Variants in SYNJ2 observed in about 807,000 individuals in gnomAD.
The protein encoded by SYNJ2 is synaptojanin 2.
SYNJ2 carries 116 observed loss-of-function variants against 141.3 expected under a neutral mutation model. The observed-to-expected ratio is 0.82, with a 90% CI of 0.71 to 0.96. The LOEUF is 0.96. SYNJ2 is among the 40% of genes least tolerant of loss of function. SYNJ2 has a pLI of 0.00. For missense variants in SYNJ2, 1,873 were observed against 1,934.8 expected, an observed-to-expected ratio of 0.97 and a Z score of 0.60; for synonymous variants, 745 against 777.7, an observed-to-expected ratio of 0.96 and a Z score of 0.70.
At chr6:158,083,715 GC>G in intron 21 of SYNJ2, 118 bp downstream of exon 21, 2 of 1,344,482 alleles carry the variant, frequency 1.5e-6, no homozygotes, top group Non-Finnish European at 2.1e-6. Context: ...CGCAGGGCAA[GC>G]CCTCTGTCCC....
intron 4 of SYNJ2, among the ~76,000 whole-genome samples, chr6:158,036,375 T>G (rs770331136): frequency 4.3e-4 from 66 of 152,196 alleles, no homozygotes; most frequent in Non-Finnish European, 8.2e-4. Flanking sequence ...TGAATGTCCA[T>G]CAGTGGTAGA....
At chr6:158,042,658 G>C (rs543687228) in intron 4 of SYNJ2, among the ~76,000 whole-genome samples, 85 of 152,370 alleles carry the variant, frequency 5.6e-4, no homozygotes, top group African/African-American at 2.0e-3. Context: ...GTGGGGAGGA[G>C]ATAGATGTCT....
Position 158,071,869 on chromosome 6 carries a change from G to A in SYNJ2, c.2133+75G>A. On this transcript the variant is annotated intron_variant, in intron 15 of 26. Transcript: ENST00000355585. The surrounding 1 kb of genome is among the most constrained non-coding windows in gnomAD (Gnocchi z 4.3). ...CAAATGTGACTGTTGATAGGAGCCAGGCACTGGGGACACAACCACAGGGAG... is the reference window on the plus strand; with the variant it reads ...CAAATGTGACTGTTGATAGGAGCCAAGCACTGGGGACACAACCACAGGGAG... 1 of 1,519,236 alleles carries A rather than the reference G, an allele frequency of 6.6e-7. No individual in the cohort carries two copies. The highest frequency in any genetic ancestry group is 8.9e-7 in the Non-Finnish European group (1 of 1,127,106). The allele number at this position is 1,519,236 out of a possible 1,614,324, so 94.1% of individuals were successfully genotyped here.
chr6:158,063,899 C>A, intron 9 of SYNJ2, 27 bp downstream of exon 9: 1 of 1,611,180 alleles, frequency 6.2e-7, no homozygotes, highest in South Asian at 1.1e-5. Flanking sequence ...GCCTTTTCGG[C>A]CATCTGTGCC....
intron 26 of SYNJ2, chr6:158,094,075 C>A: frequency 1.3e-6 from 1 of 742,420 alleles, no homozygotes; most frequent in Non-Finnish European, 2.5e-6. Context: ...GATGCTGCTT[C>A]CCCCCTAGAG....
At chr6:158,004,357 T>C (rs779081662) in intron 1 of SYNJ2, among the ~76,000 whole-genome samples, 14 of 152,106 alleles carry the variant, frequency 9.2e-5, no homozygotes, top group Non-Finnish European at 1.6e-4. Context: ...AAAACCAAGA[T>C]GGCAATGAAA....
At chr6:158,074,501 C>A in intron 15 of SYNJ2, 79 bp from the exon 16 acceptor site, 1 of 1,467,830 alleles carries the variant, frequency 6.8e-7, no homozygotes, top group African/African-American at 1.4e-5. Context: ...CCTGCTTGCC[C>A]CAGTGAGCTT....
chr6:158,061,917 A>G, intron 7 of SYNJ2, 75 bp from the exon 8 acceptor site: 1 of 1,482,438 alleles, frequency 6.7e-7, no homozygotes, highest in Non-Finnish European at 9.2e-7. Flanking sequence ...GCACGGGTCA[A>G]GCTCTGCAAG....
rs549743242 is a variant in SYNJ2, at chr6:158,020,391, A to G, written c.214+3101A>G. ...CCACCTGTATGACTCCAACTATATGATTGACTTCAACCGTGTGACCCCACC... is the reference window on the plus strand; with the variant it reads ...CCACCTGTATGACTCCAACTATATGGTTGACTTCAACCGTGTGACCCCACC... On this transcript the variant is annotated intron_variant, in intron 2 of 26. Transcript: ENST00000355585. Among the ~76,000 whole-genome samples, 157 of 79,220 alleles carry G rather than the reference A, an allele frequency of 2.0e-3. 1 individual carries two copies. The highest frequency in any genetic ancestry group is 8.3e-3 in the African/African-American group (148 of 17,862). 52.0% of individuals were successfully genotyped at this position (79,220 alleles called of 152,430 possible).
intron 26 of SYNJ2, among the ~76,000 whole-genome samples, chr6:158,093,309 G>A (rs537223350): frequency 3.7e-4 from 56 of 151,872 alleles, no homozygotes; most frequent in African/African-American, 1.3e-3. Flanking sequence ...GGTGGCGCAC[G>A]CCTGTAATCC....
At chr6:158,075,365 G>A (rs1457766006) in intron 16 of SYNJ2, among the ~76,000 whole-genome samples, 1 of 152,054 alleles carries the variant, frequency 6.6e-6, no homozygotes, top group African/African-American at 2.4e-5. Flanking sequence ...TGAGGGCCAG[G>A]TGCGGTGGCT....
At chr6:158,054,732 G>A (rs1013181574) in intron 5 of SYNJ2, among the ~76,000 whole-genome samples, 13 of 152,192 alleles carry the variant, frequency 8.5e-5, no homozygotes, top group African/African-American at 3.1e-4. Context: ...TGGTCATGTT[G>A]CAGTTAGGAC....
In SYNJ2 at chr6:158,028,956, C is replaced by T. The variant is rs764323909; in HGVS notation, c.415C>T (p.Arg139Cys). Residue 139 changes from arginine to cysteine, a missense_variant, in exon 3 of 27, where the codon CGC becomes TGC. Arg to Cys is a radical substitution (Grantham distance 180). Coordinates refer to ENST00000355585, the MANE Select transcript of SYNJ2 (RefSeq NM_003898.4). The part of the protein sequence containing the change: ...FYFSWPNDGS[R>C]FDLTVRTQKQ... ...TTTCTCATGGCCAAACGATGGGTCT[C>T]GCTTTGACCTGACTGTCCGCACGCA... 2.5e-5 allele frequency: 41 copies of T among 1,613,818 alleles called. No homozygotes were observed. The highest frequency in any genetic ancestry group is 4.0e-5 in the African/African-American group (3 of 74,770).
At chr6:157,994,565 G>A (rs1331099120) in intron 1 of SYNJ2, among the ~76,000 whole-genome samples, 1 of 152,218 alleles carries the variant, frequency 6.6e-6, no homozygotes, top group Non-Finnish European at 1.5e-5. Context: ...GGTGGGTGGC[G>A]AGCTCAGAAC....
At position 157,982,764 on chromosome 6, in the gene SYNJ2, CTAT is replaced by C. The variant is rs2128311757; in HGVS notation, c.127+683_127+685del. On this transcript the variant is annotated intron_variant, in intron 1 of 26. Coordinates refer to ENST00000355585, the MANE Select transcript of SYNJ2 (RefSeq NM_003898.4). This position sits in a 1 kb window ranked among gnomAD's most constrained non-coding sequence, Gnocchi z 4.0. ...TAATTCTCACAATTCTACTAAAAAG[CTAT>C]TATTATCCCCATTTTGCAGATGAGC... is the stretch of plus-strand genomic sequence containing the variant. Among the ~76,000 whole-genome samples the C allele has an allele frequency of 6.6e-6, 1 of 152,328 alleles. No homozygotes were observed. The highest frequency in any genetic ancestry group is 2.1e-4 in the South Asian group (1 of 4,828).
At chr6:158,041,620 A>G (rs984460919) in intron 4 of SYNJ2, among the ~76,000 whole-genome samples, 1 of 152,188 alleles carries the variant, frequency 6.6e-6, no homozygotes, top group Non-Finnish European at 1.5e-5. Context: ...GAGGAGCCTG[A>G]TGTGATGCTG....
chr6:158,069,747 C>T (rs751873), intron 14 of SYNJ2, 74 bp downstream of exon 14: 524,864 of 1,457,452 alleles, frequency 0.36, 96,091 homozygotes, highest in Admixed American at 0.5. Flanking sequence ...TTTGACTTCC[C>T]CCTCCTCCCC....
At chr6:158,094,001 T>C in intron 26 of SYNJ2, 1 of 765,144 alleles carries the variant, frequency 1.3e-6, no homozygotes, top group Non-Finnish European at 2.4e-6. Flanking sequence ...CATCTGGATC[T>C]TCCGTTTGAT....
At chr6:157,998,866 G>T (rs1261062759) in intron 1 of SYNJ2, among the ~76,000 whole-genome samples, 2 of 152,256 alleles carry the variant, frequency 1.3e-5, no homozygotes, top group African/African-American at 2.4e-5. Context: ...CCAGCACGCA[G>T]ATCTGGAGAG....
Sources: allele counts gnomAD v4.1 joint callset (sites outside exome capture counted in the v4.1 genomes callset), GRCh38; gene constraint gnomAD v4.1.1; non-coding constraint Gnocchi (gnomAD v3.1); transcripts MANE v1.5; gene names NCBI Gene and HGNC (gene_info 2026-07-23, HGNC 2026-07-21).